CDH4: variants seen among roughly 807,000 people sequenced by gnomAD.
CDH4 encodes the protein cadherin 4.
Under a neutral mutation model 86.0 loss-of-function variants are expected in CDH4, and 33 were observed. The ratio of observed to expected loss-of-function variants is 0.38; its 90% CI spans 0.29 to 0.51. The LOEUF (loss-of-function observed/expected upper bound fraction) is 0.51, where lower values mean the gene tolerates loss of function less well. Ranked by LOEUF, CDH4 falls within the 20% of genes least tolerant of loss-of-function variation. The pLI, the probability that CDH4 is intolerant of heterozygous loss-of-function variation, is 0.86. For synonymous variants in CDH4, 555 were observed against 549.4 expected (o/e 1.01, Z -0.14); for missense variants, 1,114 against 1,307.4 (o/e 0.85, Z 2.28).
At chr20:61,633,079 CATCT>C (rs1334430405) in intron 2 of CDH4, among the ~76,000 whole-genome samples, 3 of 151,198 alleles carry the variant, frequency 2.0e-5, no homozygotes, top group Non-Finnish European at 4.4e-5. Flanking sequence ...TCCATCTATC[CATCT>C]ATCTGTTCAT....
intron 2 of CDH4, among the ~76,000 whole-genome samples, chr20:61,363,330 G>A (rs1002533268): frequency 7.2e-5 from 11 of 152,136 alleles, no homozygotes; most frequent in African/African-American, 2.7e-4. Flanking sequence ...GGGTTTGGGG[G>A]ATATAACGGC....
intron 3 of CDH4, among the ~76,000 whole-genome samples, chr20:61,762,714 C>A (rs1296525208): frequency 1.3e-5 from 2 of 152,242 alleles, no homozygotes; most frequent in South Asian, 2.1e-4. Context: ...GACCCCCAGG[C>A]TCTGCAGCTA....
chr20:61,504,062 T>C (rs2085723122), intron 2 of CDH4, among the ~76,000 whole-genome samples: 1 of 152,198 alleles, frequency 6.6e-6, no homozygotes, highest in Non-Finnish European at 1.5e-5. Context: ...TGTCCTGTTG[T>C]TGGACCGAGG....
At chr20:61,306,588 G>T (rs1180463821) in intron 2 of CDH4, among the ~76,000 whole-genome samples, 1 of 152,154 alleles carries the variant, frequency 6.6e-6, no homozygotes, top group African/African-American at 2.4e-5. Context: ...ACCTGCCTCA[G>T]CCTCCCAAAG....
At chr20:61,620,168 G>GGACA (rs2086758784) in intron 2 of CDH4, among the ~76,000 whole-genome samples, 1 of 146,750 alleles carries the variant, frequency 6.8e-6, no homozygotes, top group Non-Finnish European at 1.5e-5. Flanking sequence ...ATGGATGGAT[G>GGACA]GATGGATGGG....
intron 2 of CDH4, among the ~76,000 whole-genome samples, chr20:61,634,088 G>A (rs982511593): frequency 2.0e-5 from 3 of 152,186 alleles, no homozygotes; most frequent in African/African-American, 4.8e-5. Flanking sequence ...TAACAGGGAG[G>A]TGCTATTATT....
rs947499165 is a variant in CDH4 at position 61,318,886 on chromosome 20, C to T, written c.169+63949C>T. On this transcript the variant is annotated intron_variant, in intron 2 of 15. Coordinates refer to ENST00000614565, the MANE Select transcript of CDH4 (RefSeq NM_001794.5). Reference sequence around the variant, plus strand: ...CCAGTCACCCTCTCTGTGCCTGCCACTGCACAGATGCCGGTGGTAGAGAGC... The same window carrying T: ...CCAGTCACCCTCTCTGTGCCTGCCATTGCACAGATGCCGGTGGTAGAGAGC... Among the ~76,000 whole-genome samples the T allele has an allele frequency of 2.0e-5, 3 of 152,230 alleles. No homozygotes were observed. The East Asian group carries it at 5.8e-4, about 29-fold the overall frequency.
chr20:61,398,909 T>C (rs571222453), intron 2 of CDH4, among the ~76,000 whole-genome samples: 1 of 152,310 alleles, frequency 6.6e-6, no homozygotes, highest in South Asian at 2.1e-4. Context: ...AGCCCAGTCC[T>C]GTAGGCCCTG....
chr20:61,357,212 C>T (rs991924844), intron 2 of CDH4, among the ~76,000 whole-genome samples: 2 of 152,210 alleles, frequency 1.3e-5, no homozygotes, highest in African/African-American at 2.4e-5. Context: ...CCTTGGCCCT[C>T]GCTTCTTCTC....
intron 2 of CDH4, among the ~76,000 whole-genome samples, chr20:61,638,402 A>C (rs977548743): frequency 1.3e-5 from 2 of 152,178 alleles, no homozygotes; most frequent in Admixed American, 6.5e-5. Flanking sequence ...AGAATATCCT[A>C]ATGGATTTGA....
At chr20:61,880,362 A>C (rs1236107286) in intron 7 of CDH4, among the ~76,000 whole-genome samples, 1 of 152,168 alleles carries the variant, frequency 6.6e-6, no homozygotes, top group Non-Finnish European at 1.5e-5. Context: ...AAGACACCGA[A>C]TATGGCTATG....
chr20:61,369,120 C>T (rs908839728), intron 2 of CDH4, among the ~76,000 whole-genome samples: 3 of 152,056 alleles, frequency 2.0e-5, no homozygotes, highest in Non-Finnish European at 2.9e-5. Flanking sequence ...CCTGTCAAAA[C>T]AGCAGTTGAA....
At chr20:61,706,651 T>C (rs971987197) in intron 2 of CDH4, among the ~76,000 whole-genome samples, 2 of 152,088 alleles carry the variant, frequency 1.3e-5, no homozygotes, top group Non-Finnish European at 1.5e-5. Context: ...GATCGGTTTC[T>C]CCCGAGCTGC....
At chr20:61,528,111 C>G (rs900743784) in intron 2 of CDH4, among the ~76,000 whole-genome samples, 1 of 151,998 alleles carries the variant, frequency 6.6e-6, no homozygotes, top group South Asian at 2.1e-4. Context: ...TGTGGTGGCT[C>G]ACGCCTGTAA....
rs2084447839 is a variant in CDH4 at position 61,311,954 on chromosome 20, G to A, written c.169+57017G>A. Among the ~76,000 whole-genome samples, 6 of 152,288 alleles carry A rather than the reference G, an allele frequency of 3.9e-5. No homozygotes were observed. The South Asian group carries it at 1.2e-3, about 31-fold the overall frequency. The stretch of plus-strand genomic sequence containing the variant: ...CCGAGCCTGTGAGGTCATTGTGCGT[G>A]CACATGTGTACTGTATGTGTTTACA... On this transcript the variant is annotated intron_variant, in intron 2 of 15. Coordinates refer to ENST00000614565, the MANE Select transcript of CDH4 (RefSeq NM_001794.5).
rs374742849 is a variant in CDH4, at chr20:61,401,065, C to T, written c.169+146128C>T. ...AGAGCTCCTAGCACGGTCCCTAGAC[C>T]CTGTTTCTGGGCCATGCAGGCCTCT... On this transcript the variant is annotated intron_variant, in intron 2 of 15. Transcript: ENST00000614565. 1.6e-4 allele frequency among the ~76,000 whole-genome samples: 25 copies of T among 152,328 alleles called. No individual in the cohort carries two copies. In the East Asian group the frequency reaches 4.4e-3, roughly 27 times the overall value.
chr20:61,391,227 T>C (rs1379653018), intron 2 of CDH4, among the ~76,000 whole-genome samples: 1 of 151,986 alleles, frequency 6.6e-6, no homozygotes, highest in African/African-American at 2.4e-5. Context: ...ACGCAATAAT[T>C]TACTCAAGTG....
intron 2 of CDH4, among the ~76,000 whole-genome samples, chr20:61,323,992 G>A (rs1057297420): frequency 1.3e-5 from 2 of 152,196 alleles, no homozygotes; most frequent in African/African-American, 2.4e-5. Flanking sequence ...TTTGAGGGGA[G>A]ATCGCAAAGA....
intron 2 of CDH4, among the ~76,000 whole-genome samples, chr20:61,573,520 G>A (rs182543198): frequency 4.6e-5 from 7 of 152,326 alleles, no homozygotes; most frequent in African/African-American, 1.7e-4. Context: ...ATGTCTGAGG[G>A]TCCTTGGGTC....
Sources: allele counts gnomAD v4.1 joint callset (sites outside exome capture counted in the v4.1 genomes callset), GRCh38; gene constraint gnomAD v4.1.1; transcripts MANE v1.5; gene names NCBI Gene and HGNC (gene_info 2026-07-23, HGNC 2026-07-21).